SLC4A4: variants seen among roughly 807,000 people sequenced by gnomAD.
SLC4A4 encodes the protein solute carrier family 4 member 4.
In SLC4A4, 27 loss-of-function variants were observed where a neutral mutation model predicts 111.5. The observed-to-expected ratio is 0.24, with a 90% CI of 0.18 to 0.33. The LOEUF (loss-of-function observed/expected upper bound fraction) is 0.33. Among genes scored for constraint, SLC4A4 ranks in the 10% least tolerant of loss-of-function variants. SLC4A4 has a pLI of 1.00. For synonymous variants in SLC4A4, 443 were observed against 463.4 expected (o/e 0.96, Z 0.57); for missense variants, 909 against 1,315.5 (o/e 0.69, Z 4.78).
chr4:71,215,702 G>A (rs543264820), intron 1 of SLC4A4, among the ~76,000 whole-genome samples: 56 of 152,272 alleles, frequency 3.7e-4, no homozygotes, highest in Non-Finnish European at 6.3e-4. Flanking sequence ...TATGTAAAGT[G>A]GAGCTAGTGG....
chr4:71,455,042 G>T (rs1284091282), intron 12 of SLC4A4, among the ~76,000 whole-genome samples: 1 of 152,166 alleles, frequency 6.6e-6, no homozygotes, highest in African/African-American at 2.4e-5. Context: ...CTGTGATGAC[G>T]TCTAAGAGCT....
At chr4:71,480,112 A>T (rs138345265) in intron 14 of SLC4A4, among the ~76,000 whole-genome samples, 1 of 149,158 alleles carries the variant, frequency 6.7e-6, no homozygotes, top group Non-Finnish European at 1.5e-5. Context: ...ACTTCAAACT[A>T]CTGGGCTCAA....
chr4:71,130,490 G>A (rs979657347), intron 2 of SLC4A4, among the ~76,000 whole-genome samples: 6 of 152,100 alleles, frequency 3.9e-5, no homozygotes, highest in African/African-American at 4.8e-5. Flanking sequence ...CTCCCACCTC[G>A]GCCTCCCAAA....
intron 7 of SLC4A4, among the ~76,000 whole-genome samples, chr4:71,404,269 C>T (rs1720637420): frequency 1.3e-5 from 2 of 152,092 alleles, no homozygotes; most frequent in Non-Finnish European, 2.9e-5. Context: ...CACTGGAGTC[C>T]TCTCTGAAGA....
rs117096388 is a variant in SLC4A4 at position 71,258,822 on chromosome 4, G to A, written c.253+3423G>A. 3.1e-3 allele frequency among the ~76,000 whole-genome samples: 478 copies of A among 152,270 alleles called. 8 individuals carry two copies. The East Asian group carries it at 0.078, about 25-fold the overall frequency. On this transcript the variant is annotated intron_variant, in intron 3 of 25. Transcript: ENST00000264485. ...TGTCTATCGCCAAAGTGGGATTTTG[G>A]TCTGGGTAGGTAACTCCCAAGTGTG...
chr4:71,468,735 G>GA (rs5859263), intron 13 of SLC4A4, among the ~76,000 whole-genome samples: 120,795 of 148,640 alleles, frequency 0.81, 51,455 homozygotes, highest in Non-Finnish European at 0.95. Context: ...CATGCTCCAT[G>GA]AAAAAAAAAA....
chr4:71,177,719 C>T (rs1473636386), intron 2 of SLC4A4, among the ~76,000 whole-genome samples: 5 of 152,088 alleles, frequency 3.3e-5, no homozygotes, highest in Admixed American at 3.3e-4. Flanking sequence ...GACTCCCACA[C>T]AATAATAATG....
intron 2 of SLC4A4, among the ~76,000 whole-genome samples, chr4:71,096,592 A>C (rs1467069339): frequency 6.6e-6 from 1 of 152,242 alleles, no homozygotes; most frequent in African/African-American, 2.4e-5. Context: ...ATGATGAACA[A>C]AACATCACAT....
intron 2 of SLC4A4, among the ~76,000 whole-genome samples, chr4:71,152,833 C>T (rs1560747466): frequency 6.6e-6 from 1 of 151,580 alleles, no homozygotes; most frequent in Non-Finnish European, 1.5e-5. Flanking sequence ...CATCTCTATA[C>T]TGCATAATAC....
chr4:71,071,181 A>G, intron 1 of SLC4A4, among the ~76,000 whole-genome samples: 1 of 151,890 alleles, frequency 6.6e-6, no homozygotes, highest in Non-Finnish European at 1.5e-5. Context: ...TGAGGCAGAG[A>G]ATTGCTTGAA....
At chr4:71,276,862 A>G (rs766828384) in intron 3 of SLC4A4, among the ~76,000 whole-genome samples, 8 of 151,938 alleles carry the variant, frequency 5.3e-5, no homozygotes, top group Non-Finnish European at 1.2e-4. Flanking sequence ...AGCCTGGGCA[A>G]TATGGCAAAA....
rs148823504 is a variant in SLC4A4, at chr4:71,071,416, G to C, written c.-65+8628G>C. The stretch of plus-strand genomic sequence containing the variant: ...ATTTCCTTGGTTTCCATAGTGTGGG[G>C]CTATTGATAAAGATATTTTAACAAA... On this transcript the variant is annotated intron_variant, in intron 1 of 26. Coordinates refer to the SLC4A4 transcript ENST00000649996. Among the ~76,000 whole-genome samples the C allele has an allele frequency of 8.7e-3, 1,327 of 152,046 alleles. 15 individuals carry two copies. The highest frequency in any genetic ancestry group is 0.031 in the African/African-American group (1,268 of 41,434).
At chr4:71,142,420 A>G (rs1465522041) in intron 2 of SLC4A4, among the ~76,000 whole-genome samples, 1 of 152,220 alleles carries the variant, frequency 6.6e-6, no homozygotes, top group Admixed American at 6.5e-5. Context: ...TCAGGCATCT[A>G]TGGCATTCAA....
chr4:71,310,201 T>C (rs2602065), intron 3 of SLC4A4, among the ~76,000 whole-genome samples: 151,099 of 152,092 alleles, frequency 0.99, 75,062 homozygotes, highest in Middle Eastern at 1. Context: ...ACCAAACCTA[T>C]GATTGATTGG....
chr4:71,308,231 A>G (rs1725845241), intron 3 of SLC4A4, among the ~76,000 whole-genome samples: 1 of 152,202 alleles, frequency 6.6e-6, no homozygotes, highest in East Asian at 1.9e-4. Context: ...ATAGACCCTA[A>G]CACAGTGCCT....
chr4:71,247,616 T>A (rs755024250), intron 2 of SLC4A4, among the ~76,000 whole-genome samples: 1 of 152,178 alleles, frequency 6.6e-6, no homozygotes. Flanking sequence ...CAATGACCAC[T>A]GAATTAGCTA....
chr4:71,173,339 C>T (rs931274377), intron 2 of SLC4A4, among the ~76,000 whole-genome samples: 1 of 152,112 alleles, frequency 6.6e-6, no homozygotes, highest in Non-Finnish European at 1.5e-5. Flanking sequence ...TTTAGGTGTT[C>T]TATTGTGTGG....
At chr4:71,347,432 C>T (rs949733827) in intron 4 of SLC4A4, among the ~76,000 whole-genome samples, 1 of 152,138 alleles carries the variant, frequency 6.6e-6, no homozygotes, top group Non-Finnish European at 1.5e-5. Flanking sequence ...AAGACATTGT[C>T]AGATTCAGTG....
intron 1 of SLC4A4, among the ~76,000 whole-genome samples, chr4:71,193,995 A>G (rs1476468498): frequency 2.0e-5 from 3 of 152,246 alleles, no homozygotes; most frequent in Admixed American, 6.5e-5. Flanking sequence ...CCAAAACAAT[A>G]TTAAATAACT....
Sources: gnomAD v4.1 joint callset for allele counts (sites outside exome capture counted in the v4.1 genomes callset) on GRCh38, gnomAD v4.1.1 for gene constraint, MANE v1.5 for transcripts, NCBI Gene and HGNC (gene_info 2026-07-23, HGNC 2026-07-21) for gene names.